The following EXOC2 variants were observed in gnomAD, a reference collection of about 807,000 sequenced individuals.
EXOC2 encodes the protein SEC5-like 1.
EXOC2 carries 70 observed loss-of-function variants against 131.8 expected under a neutral mutation model. The observed-to-expected ratio is 0.53, with a 90% CI of 0.44 to 0.65. EXOC2 has a LOEUF of 0.65. EXOC2 is among the 30% of genes least tolerant of loss of function. The probability of loss-of-function intolerance (pLI) is 0.00; values close to 1 mark genes in which losing one functional copy is unlikely to be tolerated. For missense variants in EXOC2, 923 were observed against 1,108.6 expected, an observed-to-expected ratio of 0.83 and a Z score of 2.38; for synonymous variants, 411 against 398.4, an observed-to-expected ratio of 1.03 and a Z score of -0.38.
At chr6:633,188 A>G in intron 2 of EXOC2, 71 bp from the exon 3 acceptor site, 1 of 1,498,748 alleles carries the variant, frequency 6.7e-7, no homozygotes, top group South Asian at 1.2e-5. Context: ...TGTAGATTAC[A>G]TTTTTTAAAT....
At position 485,722 on chromosome 6, in the gene EXOC2, G is replaced by T. The variant is rs1288765723; in HGVS notation, c.*949C>A. On this transcript the variant is annotated 3_prime_UTR_variant, in exon 28 of 28. Coordinates refer to ENST00000230449, the MANE Select transcript of EXOC2 (RefSeq NM_018303.6). ...CCAAGGAGCATCCTGAAGTTTCAGAGAAGAGACTGTGTGACAGCAGCATTG... is the reference window on the plus strand; with the variant it reads ...CCAAGGAGCATCCTGAAGTTTCAGATAAGAGACTGTGTGACAGCAGCATTG... The T allele has an allele frequency of 6.6e-6, 1 of 152,264 alleles. No individual in the cohort carries two copies. Among genetic ancestry groups the T allele is most frequent in the Non-Finnish European group, 1.5e-5 (1 of 68,056 alleles). The allele number at this position is 152,264 out of a possible 1,614,324, so 9.4% of individuals were successfully genotyped here.
intron 1 of EXOC2, among the ~76,000 whole-genome samples, chr6:665,792 G>T (rs1763618842): frequency 6.6e-6 from 1 of 151,942 alleles, no homozygotes; most frequent in Non-Finnish European, 1.5e-5. Context: ...AGAGGGGGAG[G>T]GGGTTGAGGA....
intron 11 of EXOC2, among the ~76,000 whole-genome samples, chr6:577,562 A>C (rs1758652512): frequency 6.6e-6 from 1 of 152,228 alleles, no homozygotes; most frequent in Admixed American, 6.5e-5. Flanking sequence ...GGATCACAAA[A>C]GCCTTTAGGA....
At chr6:551,724 C>CT (rs914474527) in intron 21 of EXOC2, among the ~76,000 whole-genome samples, 49 of 152,354 alleles carry the variant, frequency 3.2e-4, no homozygotes, top group African/African-American at 1.2e-3. Context: ...CAGGACTCCC[C>CT]TAGCCTGCCG....
chr6:491,030 T>G, intron 26 of EXOC2, 95 bp downstream of exon 26: 1 of 1,263,674 alleles, frequency 7.9e-7, no homozygotes, highest in Non-Finnish European at 1.2e-6. Flanking sequence ...CATGAGCATG[T>G]GCTCTGATCA....
intron 7 of EXOC2, among the ~76,000 whole-genome samples, chr6:605,799 G>A (rs1444198523): frequency 6.6e-6 from 1 of 152,140 alleles, no homozygotes; most frequent in Non-Finnish European, 1.5e-5. Context: ...ATGTTAGGGT[G>A]TCAATTTTAG....
intron 6 of EXOC2, among the ~76,000 whole-genome samples, chr6:616,629 T>G (rs1761026542): frequency 7.2e-6 from 1 of 139,220 alleles, no homozygotes; most frequent in Non-Finnish European, 1.6e-5. Context: ...AAAAACTAAC[T>G]TCTACCTGCA....
At chr6:566,904 C>T (rs1747343482) in intron 13 of EXOC2, among the ~76,000 whole-genome samples, 1 of 152,170 alleles carries the variant, frequency 6.6e-6, no homozygotes, top group African/African-American at 2.4e-5. Flanking sequence ...GTCTTTCTGG[C>T]TTGGCATACG....
intron 1 of EXOC2, among the ~76,000 whole-genome samples, chr6:640,529 C>T (rs1178567223): frequency 1.3e-5 from 2 of 152,160 alleles, no homozygotes; most frequent in African/African-American, 2.4e-5. Flanking sequence ...CCCCAGTACC[C>T]CAGAATGTGG....
chr6:516,184 C>T (rs1377677717), intron 23 of EXOC2, among the ~76,000 whole-genome samples: 1 of 152,216 alleles, frequency 6.6e-6, no homozygotes, highest in Non-Finnish European at 1.5e-5. Context: ...CACCTTACCG[C>T]AGAGGGCAAA....
intron 23 of EXOC2, among the ~76,000 whole-genome samples, chr6:504,488 A>C (rs999740075): frequency 6.6e-6 from 1 of 152,198 alleles, no homozygotes; most frequent in Non-Finnish European, 1.5e-5. Context: ...GCCATGCTGC[A>C]ATTATTTTTG....
chr6:513,695 A>T (rs1199515744), intron 23 of EXOC2, among the ~76,000 whole-genome samples: 4 of 152,248 alleles, frequency 2.6e-5, no homozygotes, highest in Non-Finnish European at 5.9e-5. Flanking sequence ...ATGGGTTTTC[A>T]GATATATTAC....
At chr6:587,985 G>GT (rs1466638121) in intron 11 of EXOC2, among the ~76,000 whole-genome samples, 1 of 152,228 alleles carries the variant, frequency 6.6e-6, no homozygotes, top group Non-Finnish European at 1.5e-5. Flanking sequence ...AGAGAAGCAG[G>GT]TAAGACTGGC....
rs1762999007 is a variant in EXOC2, at chr6:485,590, G to A, written c.*1081C>T. On this transcript the variant is annotated 3_prime_UTR_variant, in exon 28 of 28. Coordinates refer to ENST00000230449, the MANE Select transcript of EXOC2 (RefSeq NM_018303.6). ...GTATGAGGGAGTTGGGTGGGCCGCT[G>A]ACTCTGAGAGAAGTCCCGGTGACCT... 1 of 152,234 alleles carries A rather than the reference G, an allele frequency of 6.6e-6. No individual in the cohort carries two copies. The allele number at this position is 152,234 out of a possible 1,614,324, so 9.4% of individuals were successfully genotyped here. A position where few individuals can be genotyped will look rare whatever the true frequency, so the allele number is the denominator to read the frequency against.
At chr6:617,945 C>T (rs1022850793) in intron 5 of EXOC2, 110 bp from the exon 6 acceptor site, 4 of 1,280,486 alleles carry the variant, frequency 3.1e-6, no homozygotes, top group Non-Finnish European at 4.2e-6. Flanking sequence ...CTAAGTAGCA[C>T]ACAGATTAAT....
chr6:629,781 A>G, intron 4 of EXOC2, 54 bp downstream of exon 4: 1 of 1,599,898 alleles, frequency 6.3e-7, no homozygotes, highest in Non-Finnish European at 8.5e-7. Flanking sequence ...GTAAGTATAT[A>G]AAACTTTTCA....
intron 1 of EXOC2, among the ~76,000 whole-genome samples, chr6:652,172 C>T (rs557913517): frequency 6.6e-6 from 1 of 152,164 alleles, no homozygotes; most frequent in East Asian, 1.9e-4. Context: ...AGAGCATACA[C>T]TATACCTCCA....
chr6:647,233 T>C (rs979031622), intron 1 of EXOC2, among the ~76,000 whole-genome samples: 5 of 152,188 alleles, frequency 3.3e-5, no homozygotes. Flanking sequence ...ACCAAATTTT[T>C]AAGTAGAAAT....
intron 23 of EXOC2, among the ~76,000 whole-genome samples, chr6:524,489 A>G (rs1212139022): frequency 6.6e-6 from 1 of 152,218 alleles, no homozygotes; most frequent in African/African-American, 2.4e-5. Flanking sequence ...AATAATTGTT[A>G]CAATTTTTTG....
Sources: allele counts gnomAD v4.1 joint callset (sites outside exome capture counted in the v4.1 genomes callset), GRCh38; gene constraint gnomAD v4.1.1; transcripts MANE v1.5; gene names NCBI Gene and HGNC (gene_info 2026-07-23, HGNC 2026-07-21).